The following LINGO2 variants were observed in gnomAD, a reference collection of about 807,000 sequenced individuals.
The protein encoded by LINGO2 is leucine-rich repeat and immunoglobulin-like domain-containing nogo receptor-interacting protein 2.
LINGO2 carries 14 observed loss-of-function variants against 30.6 expected under a neutral mutation model. The observed-to-expected ratio is 0.46, with a 90% confidence interval of 0.30 to 0.72. The LOEUF (loss-of-function observed/expected upper bound fraction) is 0.72. Among genes scored for constraint, LINGO2 ranks in the 30% least tolerant of loss-of-function variants. LINGO2 has a pLI of 0.07. For synonymous variants in LINGO2, 317 were observed against 288.5 expected (o/e 1.10, Z -1.00); for missense variants, 729 against 751.7 (o/e 0.97, Z 0.35).
At chr9:27,945,432 G>A (rs1309998565), downstream of LINGO2, among the ~76,000 whole-genome samples, 1 of 152,032 alleles carries the variant, frequency 6.6e-6, no homozygotes, top group Non-Finnish European at 1.5e-5. Context: ...AATACTGTAG[G>A]GCAACTTCTG....
intron 1 of LINGO2, among the ~76,000 whole-genome samples, chr9:28,537,348 T>A (rs1423462832): frequency 6.6e-6 from 1 of 152,140 alleles, no homozygotes; most frequent in Non-Finnish European, 1.5e-5. Context: ...TCTCCTCTCA[T>A]CCCTTTCCCC....
intron 4 of LINGO2, among the ~76,000 whole-genome samples, chr9:28,278,319 T>C (rs1823201406): frequency 6.6e-6 from 1 of 152,208 alleles, no homozygotes; most frequent in Non-Finnish European, 1.5e-5. Flanking sequence ...TTGACAGAGA[T>C]AATTACACCA....
chr9:29,057,021 C>T, the LINGO2 span, among the ~76,000 whole-genome samples: 3 of 151,998 alleles, frequency 2.0e-5, no homozygotes, highest in Admixed American at 2.0e-4. Flanking sequence ...TAATGTGATG[C>T]CTCCAGATCT....
At chr9:28,746,179 T>C in the LINGO2 span, among the ~76,000 whole-genome samples, 1 of 152,010 alleles carries the variant, frequency 6.6e-6, no homozygotes, top group Admixed American at 6.6e-5. Context: ...ATTTAAAATA[T>C]ATAATTCCCA....
At chr9:28,408,088 G>C (rs1261125379) in intron 2 of LINGO2, among the ~76,000 whole-genome samples, 1 of 152,088 alleles carries the variant, frequency 6.6e-6, no homozygotes, top group East Asian at 1.9e-4. Context: ...CCTGTTATCT[G>C]TAAAGGGAGG....
chr9:28,357,138 G>A (rs1355662200), intron 3 of LINGO2, among the ~76,000 whole-genome samples: 1 of 152,060 alleles, frequency 6.6e-6, no homozygotes, highest in Admixed American at 6.6e-5. Flanking sequence ...ATAGCCAATA[G>A]TTAAAACAGA....
chr9:28,844,236 C>T, the LINGO2 span, among the ~76,000 whole-genome samples: 8 of 151,770 alleles, frequency 5.3e-5, no homozygotes, highest in Non-Finnish European at 8.8e-5. Context: ...GCGGCGCACA[C>T]CTGTTGTCCT....
intron 4 of LINGO2, among the ~76,000 whole-genome samples, chr9:28,139,699 G>A (rs571136682): frequency 2.0e-5 from 3 of 152,022 alleles, no homozygotes; most frequent in South Asian, 2.1e-4. Flanking sequence ...TATGAAATAC[G>A]TTGAGATGTT....
At chr9:29,132,429 A>T in the LINGO2 span, among the ~76,000 whole-genome samples, 1 of 152,134 alleles carries the variant, frequency 6.6e-6, no homozygotes, top group East Asian at 1.9e-4. Flanking sequence ...ATAGGGTGTA[A>T]CTTTGTAACT....
At chr9:28,992,722 A>T in the LINGO2 span, among the ~76,000 whole-genome samples, 6 of 152,024 alleles carry the variant, frequency 3.9e-5, no homozygotes, top group African/African-American at 1.4e-4. Flanking sequence ...ACTCAAAACC[A>T]CTCAACTACA....
intron 5 of LINGO2, among the ~76,000 whole-genome samples, chr9:28,006,107 GGA>G (rs1164852233): frequency 1.3e-5 from 2 of 151,974 alleles, no homozygotes; most frequent in African/African-American, 2.4e-5. Context: ...AGTGTCACCA[GGA>G]GAGCTTTGCT....
chr9:28,111,926 T>C (rs1328088516), intron 4 of LINGO2, among the ~76,000 whole-genome samples: 1 of 151,416 alleles, frequency 6.6e-6, no homozygotes, highest in East Asian at 1.9e-4. Context: ...TTTTTTATTA[T>C]ACTCTAAGTT....
chr9:29,050,823 T>C, the LINGO2 span, among the ~76,000 whole-genome samples: 1 of 152,162 alleles, frequency 6.6e-6, no homozygotes, highest in Non-Finnish European at 1.5e-5. Flanking sequence ...CATATATGTC[T>C]TTAAGCCTCA....
At chr9:29,161,881 T>G in the LINGO2 span, among the ~76,000 whole-genome samples, 4 of 152,022 alleles carry the variant, frequency 2.6e-5, no homozygotes, top group Non-Finnish European at 5.9e-5. Flanking sequence ...TCATCACAGT[T>G]CATTGGGTAG....
the LINGO2 span, among the ~76,000 whole-genome samples, chr9:28,753,218 G>A: frequency 7.9e-5 from 12 of 152,012 alleles, no homozygotes; most frequent in South Asian, 2.1e-4. Flanking sequence ...ACCCTAGGGG[G>A]CAATGTGTCC....
chr9:28,242,837 G>C (rs749602442), intron 4 of LINGO2, among the ~76,000 whole-genome samples: 1 of 152,260 alleles, frequency 6.6e-6, no homozygotes, highest in Middle Eastern at 3.4e-3. Flanking sequence ...TTAAAGAAAA[G>C]AATTTTCAAC....
the LINGO2 span, among the ~76,000 whole-genome samples, chr9:28,781,510 C>A: frequency 2.6e-5 from 4 of 152,130 alleles, no homozygotes; most frequent in South Asian, 4.1e-4. Flanking sequence ...CTACAATTGG[C>A]ACTATTTCCT....
At chr9:28,864,460 A>C in the LINGO2 span, among the ~76,000 whole-genome samples, 1 of 152,098 alleles carries the variant, frequency 6.6e-6, no homozygotes, top group African/African-American at 2.4e-5. Flanking sequence ...CCAGAATCCC[A>C]CCTTTTAACT....
chr9:28,572,689 T>C (rs558363299), intron 1 of LINGO2, among the ~76,000 whole-genome samples: 10 of 150,558 alleles, frequency 6.6e-5, no homozygotes, highest in African/African-American at 2.2e-4. Context: ...CGTGATTCAT[T>C]CATCCTTTTA....
Sources: gnomAD v4.1 joint callset for allele counts (sites outside exome capture counted in the v4.1 genomes callset) on GRCh38, gnomAD v4.1.1 for gene constraint, MANE v1.5 for transcripts, NCBI Gene and HGNC (gene_info 2026-07-23, HGNC 2026-07-21) for gene names.